The following KLF12 variants were observed in gnomAD, a reference collection of about 807,000 sequenced individuals.
KLF12 encodes the protein Krueppel-like factor 12.
Under a neutral mutation model 37.8 loss-of-function variants are expected in KLF12, and 9 were observed. The ratio of observed to expected loss-of-function variants is 0.24; its 90% CI spans 0.14 to 0.42. The LOEUF is 0.42. Among genes scored for constraint, KLF12 ranks in the 10% least tolerant of loss-of-function variants. The pLI, the probability that KLF12 is intolerant of heterozygous loss-of-function variation, is 1.00. For synonymous variants in KLF12, 208 were observed against 202.1 expected (o/e 1.03, Z -0.25); for missense variants, 411 against 516.0 (o/e 0.80, Z 1.97).
chr13:74,165,053 A>C, the KLF12 span, among the ~76,000 whole-genome samples: 10 of 152,192 alleles, frequency 6.6e-5, no homozygotes, highest in Non-Finnish European at 1.3e-4. Context: ...GAGGATAACT[A>C]GAATGTTTGT....
chr13:73,868,565 A>G (rs1886307120), intron 3 of KLF12, among the ~76,000 whole-genome samples: 1 of 151,700 alleles, frequency 6.6e-6, no homozygotes. Flanking sequence ...TAATTTTTGT[A>G]TTTTTAGTAG....
intron 4 of KLF12, among the ~76,000 whole-genome samples, chr13:73,819,266 T>C (rs1231341433): frequency 6.6e-6 from 1 of 152,192 alleles, no homozygotes; most frequent in Non-Finnish European, 1.5e-5. Context: ...GTAAAGAAGA[T>C]AATACATGCA....
intron 3 of KLF12, among the ~76,000 whole-genome samples, chr13:73,893,369 CTTT>C (rs71115621): frequency 1.4e-3 from 72 of 50,584 alleles, no homozygotes; most frequent in African/African-American, 5.2e-3. Context: ...ACAATATTGA[CTTT>C]TTTTTTTTTT....
At chr13:74,235,484 G>A in the KLF12 span, among the ~76,000 whole-genome samples, 1 of 152,080 alleles carries the variant, frequency 6.6e-6, no homozygotes, top group East Asian at 1.9e-4. Context: ...CATTATAATA[G>A]ACAGGGGAGA....
intron 4 of KLF12, among the ~76,000 whole-genome samples, chr13:73,843,390 C>T (rs935463257): frequency 6.6e-6 from 1 of 151,970 alleles, no homozygotes; most frequent in Non-Finnish European, 1.5e-5. Flanking sequence ...CTGCAACCTC[C>T]ACCTCCCGGG....
chr13:73,932,192 T>C (rs991218161), intron 3 of KLF12, among the ~76,000 whole-genome samples: 1 of 152,160 alleles, frequency 6.6e-6, no homozygotes, highest in African/African-American at 2.4e-5. Context: ...GCAATGAAAC[T>C]GGAGTTTGAG....
At chr13:74,208,112 G>C in the KLF12 span, among the ~76,000 whole-genome samples, 1,790 of 152,240 alleles carry the variant, frequency 0.012, 42 homozygotes, top group African/African-American at 0.041. Context: ...CATTAGGAAT[G>C]CTCACATTCA....
At chr13:73,860,103 T>G (rs900353286) in intron 3 of KLF12, among the ~76,000 whole-genome samples, 3 of 152,130 alleles carry the variant, frequency 2.0e-5, no homozygotes, top group African/African-American at 7.2e-5. Flanking sequence ...CTGGGTTGCG[T>G]TTTATATGAT....
At chr13:74,302,900 G>C in the KLF12 span, among the ~76,000 whole-genome samples, 3 of 152,144 alleles carry the variant, frequency 2.0e-5, no homozygotes, top group African/African-American at 4.8e-5. Flanking sequence ...CATGATCCAT[G>C]CCTTGGGTCA....
At chr13:73,792,594 G>A (rs902209236) in intron 5 of KLF12, among the ~76,000 whole-genome samples, 7 of 152,056 alleles carry the variant, frequency 4.6e-5, no homozygotes, top group Non-Finnish European at 1.0e-4. Flanking sequence ...AGTTAGAAGG[G>A]AATAAGGGAA....
chr13:73,832,599 C>T (rs918658999), intron 4 of KLF12, among the ~76,000 whole-genome samples: 1 of 152,162 alleles, frequency 6.6e-6, no homozygotes, highest in African/African-American at 2.4e-5. Flanking sequence ...ATTTTAGATT[C>T]GTGCTGCGGT....
intron 1 of KLF12, among the ~76,000 whole-genome samples, chr13:74,128,352 G>C (rs1409956323): frequency 6.6e-6 from 1 of 152,020 alleles, no homozygotes; most frequent in Non-Finnish European, 1.5e-5. Flanking sequence ...ATCCCTTTCA[G>C]GGGAGGGCAG....
At chr13:73,906,772 A>G (rs1477927091) in intron 3 of KLF12, among the ~76,000 whole-genome samples, 1 of 152,186 alleles carries the variant, frequency 6.6e-6, no homozygotes, top group Non-Finnish European at 1.5e-5. Context: ...AAATCCTGGA[A>G]ACATACAATA....
At chr13:73,747,475 T>C (rs184283583) in intron 6 of KLF12, among the ~76,000 whole-genome samples, 16 of 152,330 alleles carry the variant, frequency 1.1e-4, no homozygotes, top group Admixed American at 5.2e-4. Flanking sequence ...TATTGGGGAA[T>C]TGAGTTAACC....
At chr13:73,950,482 C>T (rs1346291106) in intron 2 of KLF12, among the ~76,000 whole-genome samples, 1 of 152,216 alleles carries the variant, frequency 6.6e-6, no homozygotes, top group Non-Finnish European at 1.5e-5. Flanking sequence ...AAAAGTATTT[C>T]TGTCATTCAT....
chr13:73,829,822 C>T, intron 4 of KLF12, among the ~76,000 whole-genome samples: 1 of 152,182 alleles, frequency 6.6e-6, no homozygotes, highest in East Asian at 1.9e-4. Context: ...AGGATGATTG[C>T]ATTCTCAACG....
At position 73,948,127 on chromosome 13, in the gene KLF12, C is replaced by T. The variant is rs144653578; in HGVS notation, c.34-4057G>A. Reference sequence around the variant, plus strand: ...GTGATGAGAAATAAGAATATGTCGCCCCTGCCCCACATCTACATTATGCTA... The same window carrying T: ...GTGATGAGAAATAAGAATATGTCGCTCCTGCCCCACATCTACATTATGCTA... On this transcript the variant is annotated intron_variant, in intron 2 of 7. Coordinates refer to ENST00000377669, the MANE Select transcript of KLF12 (RefSeq NM_007249.5). 1.6e-3 allele frequency among the ~76,000 whole-genome samples: 251 copies of T among 152,256 alleles called. 1 individual carries two copies. The highest frequency in any genetic ancestry group is 5.6e-3 in the African/African-American group (231 of 41,538).
chr13:73,893,056 T>C (rs1175686783), intron 3 of KLF12, among the ~76,000 whole-genome samples: 1 of 152,032 alleles, frequency 6.6e-6, no homozygotes, highest in African/African-American at 2.4e-5. Flanking sequence ...TCTTATTTCC[T>C]ATTCTGCTGA....
At chr13:74,052,913 T>C (rs1196925184) in intron 1 of KLF12, among the ~76,000 whole-genome samples, 1 of 152,156 alleles carries the variant, frequency 6.6e-6, no homozygotes, top group African/African-American at 2.4e-5. Context: ...TCTCTGCCAA[T>C]GAAATATCTT....
Sources: allele counts gnomAD v4.1 joint callset (sites outside exome capture counted in the v4.1 genomes callset), GRCh38; gene constraint gnomAD v4.1.1; transcripts MANE v1.5; gene names NCBI Gene and HGNC (gene_info 2026-07-23, HGNC 2026-07-21).